PPIC: variants seen among roughly 807,000 people sequenced by gnomAD.
PPIC encodes the protein peptidylprolyl isomerase C.
PPIC carries 19 observed loss-of-function variants against 19.5 expected under a neutral mutation model. That is an observed-to-expected ratio of 0.98 (90% CI 0.68 to 1.43). The LOEUF is 1.43. Ranked by LOEUF, PPIC falls within the 40% of genes most tolerant of loss-of-function variation. The pLI, the probability that PPIC is intolerant of heterozygous loss-of-function variation, is 0.00. For synonymous variants in PPIC, 107 were observed against 101.2 expected, an observed-to-expected ratio of 1.06 and a Z score of -0.34; for missense variants, 268 against 268.6, an observed-to-expected ratio of 1.00 and a Z score of 0.02.
rs576837683 is a variant in PPIC, at chr5:123,024,772, G to A, written c.511-769C>T. ...GAGCAAGACTGGTTTATTTACATTT[G>A]GATGAGGGAGGTAGAATAAGTCACA... On this transcript the variant is annotated intron_variant, in intron 4 of 4. Coordinates refer to ENST00000306442, the MANE Select transcript of PPIC (RefSeq NM_000943.5). 3.9e-5 allele frequency among the ~76,000 whole-genome samples: 6 copies of A among 152,302 alleles called. No homozygotes were observed. The South Asian group carries it at 8.3e-4, about 21-fold the overall frequency.
In PPIC at chr5:123,023,720, G is replaced by A. The variant is rs370088217; in HGVS notation, c.*155C>T. On this transcript the variant is annotated 3_prime_UTR_variant, in exon 5 of 5. Transcript: ENST00000306442. ...AAGTTCAAGCAAACTAAAGGGTGAC[G>A]GTTTGATTTTTATAACTTTCCTGTG... The A allele has an allele frequency of 3.2e-5, 38 of 1,191,478 alleles. No homozygotes were observed. The highest frequency in any genetic ancestry group is 1.1e-4 in the Admixed American group (3 of 28,326). 73.8% of individuals were successfully genotyped at this position (1,191,478 alleles called of 1,614,324 possible). A position where few individuals can be genotyped will look rare whatever the true frequency, so the allele number is the denominator to read the frequency against.
intron 4 of PPIC, among the ~76,000 whole-genome samples, chr5:123,025,380 T>TA (rs1581871919): frequency 6.6e-6 from 1 of 152,256 alleles, no homozygotes; most frequent in African/African-American, 2.4e-5. Context: ...TTAGATATTT[T>TA]ATATAAATGA....
chr5:123,025,689 T>C, intron 4 of PPIC, 95 bp downstream of exon 4: 1 of 1,292,066 alleles, frequency 7.7e-7, no homozygotes, highest in Non-Finnish European at 1.1e-6. Flanking sequence ...ATATAATGGA[T>C]CTCTAACAAG....
intron 3 of PPIC, among the ~76,000 whole-genome samples, chr5:123,028,178 C>T (rs1298607072): frequency 6.6e-6 from 1 of 152,248 alleles, no homozygotes; most frequent in Non-Finnish European, 1.5e-5. Flanking sequence ...AAGTAGAACT[C>T]ACTTTCTGTA....
chr5:123,029,735 C>T, intron 1 of PPIC, among the ~76,000 whole-genome samples: 1 of 152,126 alleles, frequency 6.6e-6, no homozygotes, highest in East Asian at 1.9e-4. Context: ...TCTTCCCATA[C>T]CCCAGACAAA....
At chr5:123,029,061 G>A (rs1762905529) in intron 2 of PPIC, 193 bp from the exon 3 acceptor site, 5 of 817,622 alleles carry the variant, frequency 6.1e-6, no homozygotes, top group Non-Finnish European at 7.5e-6. Flanking sequence ...TGGAAGTAGA[G>A]TATTAATGTG....
intron 1 of PPIC, among the ~76,000 whole-genome samples, chr5:123,031,114 T>C (rs902275305): frequency 3.3e-5 from 5 of 152,188 alleles, no homozygotes; most frequent in Admixed American, 3.3e-4. Context: ...GCTTCATGAG[T>C]GAGCATAAGA....
chr5:123,025,972 A>G lies in PPIC; in HGVS notation c.326-4T>C. ...GTCTCACCATAGATGCTCACACCTG[A>G]GACAAAACAAGGAAGAAAGTCAACA... On this transcript the variant is annotated splice_region_variant and splice_polypyrimidine_tract_variant and intron_variant, in intron 3 of 4. Transcript: ENST00000306442. 6.3e-7 allele frequency: 1 copy of G among 1,583,180 alleles called. No homozygotes were observed. The highest frequency in any genetic ancestry group is 8.6e-7 in the Non-Finnish European group (1 of 1,167,462).
rs1554082125 is a variant in PPIC, at chr5:123,036,677, G to A, written c.-52C>T. On this transcript the variant is annotated 5_prime_UTR_variant, in exon 1 of 5. Transcript: ENST00000306442. This position sits in a 1 kb window ranked among gnomAD's most constrained non-coding sequence, Gnocchi z 4.5. ...GCACGGGCGCTACCGGCACGGGCGC[G>A]ACACAGGCTCTGGGACAGCTGACGG... 8 of 1,469,842 alleles carry A rather than the reference G, an allele frequency of 5.4e-6. No homozygotes were observed. The highest frequency in any genetic ancestry group is 7.4e-6 in the Non-Finnish European group (8 of 1,079,258). 91.0% of individuals were successfully genotyped at this position (1,469,842 alleles called of 1,614,324 possible).
In PPIC at chr5:123,036,192, G is replaced by A. The variant is rs1763008924; in HGVS notation, c.117+317C>T. The A allele has an allele frequency of 2.5e-6, 1 of 393,092 alleles. No homozygotes were observed. Among genetic ancestry groups the A allele is most frequent in the South Asian group, 2.5e-5 (1 of 39,688 alleles). The allele number at this position is 393,092 out of a possible 1,614,324, so 24.4% of individuals were successfully genotyped here. ...GTACTTGGGCAGTCTCTTTCCTGGA[G>A]AACGGGCCCGCCGGTTCCGGAAGCC... On this transcript the variant is annotated intron_variant, in intron 1 of 4. Transcript: ENST00000306442. The surrounding 1 kb of genome is among the most constrained non-coding windows in gnomAD (Gnocchi z 4.5).
At position 123,023,842 on chromosome 5, in the gene PPIC, G is replaced by A; in HGVS notation, c.*33C>T. On this transcript the variant is annotated 3_prime_UTR_variant, in exon 5 of 5. Transcript: ENST00000306442. ...CACACACACACACACACACACCCCT[G>A]CCAAAGCATATCCTTGTTTTCTGCC... The A allele has an allele frequency of 7.2e-7, 1 of 1,387,712 alleles. No individual in the cohort carries two copies. The highest frequency in any genetic ancestry group is 2.3e-5 in the East Asian group (1 of 43,338). 86.0% of individuals were successfully genotyped at this position (1,387,712 alleles called of 1,614,324 possible). A position where few individuals can be genotyped will look rare whatever the true frequency, so the allele number is the denominator to read the frequency against.
chr5:123,023,809 C>CACA lies in PPIC; in HGVS notation c.*63_*65dup. 7.1e-6 allele frequency: 6 copies of CACA among 848,956 alleles called. No homozygotes were observed. Among genetic ancestry groups the CACA allele is most frequent in the Non-Finnish European group, 7.7e-6 (5 of 646,610 alleles). The allele number at this position is 848,956 out of a possible 1,614,324, so 52.6% of individuals were successfully genotyped here. ...AGCAAATAATTGAAAGACAACACAA[C>CACA]ACACACACACACACACACACACACA... is the stretch of plus-strand genomic sequence containing the variant. On this transcript the variant is annotated 3_prime_UTR_variant, in exon 5 of 5. Coordinates refer to ENST00000306442, the MANE Select transcript of PPIC (RefSeq NM_000943.5).
intron 1 of PPIC, among the ~76,000 whole-genome samples, chr5:123,032,461 A>C (rs1257819300): frequency 2.0e-5 from 3 of 152,196 alleles, no homozygotes; most frequent in African/African-American, 2.4e-5. Context: ...GCTAAAGGTC[A>C]GCAGGAGGAG....
intron 3 of PPIC, 145 bp downstream of exon 3, chr5:123,028,630 C>T (rs1762897291): frequency 1.6e-6 from 1 of 617,176 alleles, no homozygotes; most frequent in African/African-American, 1.9e-5. Context: ...AGATGAGTCC[C>T]CAAAACTCCA....
intron 1 of PPIC, among the ~76,000 whole-genome samples, chr5:123,032,913 T>G (rs1762960943): frequency 6.6e-6 from 1 of 152,116 alleles, no homozygotes; most frequent in South Asian, 2.1e-4. Context: ...GAAAGTCATT[T>G]GAAAATTACT....
At chr5:123,024,738 A>T (rs1011995342) in intron 4 of PPIC, among the ~76,000 whole-genome samples, 1 of 152,226 alleles carries the variant, frequency 6.6e-6, no homozygotes, top group Admixed American at 6.5e-5. Context: ...GTTGTGAAGG[A>T]ACTGCAGCGA....
At chr5:123,033,441 C>T (rs1762967270) in intron 1 of PPIC, among the ~76,000 whole-genome samples, 1 of 152,106 alleles carries the variant, frequency 6.6e-6, no homozygotes, top group Non-Finnish European at 1.5e-5. Context: ...CTGGCACCAC[C>T]CCCTTCAGCT....
chr5:123,034,276 C>A (rs941335444), intron 1 of PPIC, among the ~76,000 whole-genome samples: 12 of 152,138 alleles, frequency 7.9e-5, no homozygotes, highest in Non-Finnish European at 1.8e-4. Context: ...GTTTAAGACG[C>A]ACCTACACAA....
At chr5:123,026,112 T>A in intron 3 of PPIC, 144 bp from the exon 4 acceptor site, 1 of 684,586 alleles carries the variant, frequency 1.5e-6, no homozygotes, top group Non-Finnish European at 2.4e-6. Context: ...TAAGCAGACA[T>A]GAAGGAGGGA....
Sources: gnomAD v4.1 joint callset for allele counts (sites outside exome capture counted in the v4.1 genomes callset) on GRCh38, gnomAD v4.1.1 for gene constraint, Gnocchi (gnomAD v3.1) non-coding constraint, MANE v1.5 for transcripts, NCBI Gene and HGNC (gene_info 2026-07-23, HGNC 2026-07-21) for gene names.